PNKD: variants seen among roughly 807,000 people sequenced by gnomAD.
The protein encoded by PNKD is PNKD metallo-beta-lactamase domain containing.
In PNKD, 36 loss-of-function variants were observed where a neutral mutation model predicts 45.3. That is an observed-to-expected ratio of 0.80 (90% CI 0.61 to 1.05). The LOEUF (loss-of-function observed/expected upper bound fraction) is 1.05, where lower values mean the gene tolerates loss of function less well. Among genes scored for constraint, PNKD ranks in the 50% least tolerant of loss-of-function variants. PNKD has a pLI of 0.00. For synonymous variants in PNKD, 197 were observed against 210.1 expected, an observed-to-expected ratio of 0.94 and a Z score of 0.54; for missense variants, 511 against 506.6, an observed-to-expected ratio of 1.01 and a Z score of -0.08.
rs767740808 is a variant in PNKD, at chr2:218,342,011, G to A, written c.648G>A (p.Val216=). ...HPLCHQDVVS[V]GRLQIRALAT... is the part of the protein sequence containing the mutation. ...TGTGTCATCAAGATGTGGTCAGCGT[G>A]GGACGGCTTCAGATCCGGGCCCTGG... The change falls in exon 7 of 10, where the codon GTG becomes GTA. Residue 216 remains valine, a synonymous_variant. Transcript: ENST00000273077. The A allele has an allele frequency of 3.1e-6, 5 of 1,613,702 alleles. No homozygotes were observed. In the African/African-American group the frequency reaches 6.7e-5, roughly 22 times the overall value.
chr2:218,329,123 C>T (rs187465602), intron 2 of PNKD, among the ~76,000 whole-genome samples: 34 of 152,312 alleles, frequency 2.2e-4, no homozygotes, highest in African/African-American at 6.7e-4. Context: ...GCAGGAGAAT[C>T]GCTTCAAACT....
intron 2 of PNKD, chr2:218,278,667 C>A (rs1574633216): frequency 3.1e-6 from 4 of 1,311,218 alleles, no homozygotes; most frequent in Non-Finnish European, 4.4e-6. Flanking sequence ...GTTTGGAAGT[C>A]TGAGGGGAAG....
chr2:218,279,233 A>G, intron 2 of PNKD: 1 of 1,555,528 alleles, frequency 6.4e-7, no homozygotes, highest in Non-Finnish European at 8.7e-7. Context: ...CACCCCCAGC[A>G]GGTGACCCTG....
intron 2 of PNKD, among the ~76,000 whole-genome samples, chr2:218,283,586 A>G (rs1366430714): frequency 6.6e-6 from 1 of 152,220 alleles, no homozygotes; most frequent in Non-Finnish European, 1.5e-5. Flanking sequence ...ACACCCCCAG[A>G]TGCAGGTCAG....
chr2:218,323,106 A>T, intron 2 of PNKD: 1 of 1,158,288 alleles, frequency 8.6e-7, no homozygotes, highest in Non-Finnish European at 1.1e-6. Flanking sequence ...GCCCGGCTGG[A>T]GGTGGTGAGG....
At chr2:218,338,564 C>T (rs1457255984) in intron 2 of PNKD, among the ~76,000 whole-genome samples, 1 of 151,252 alleles carries the variant, frequency 6.6e-6, no homozygotes, top group East Asian at 2.0e-4. Context: ...CCCAGGAGTT[C>T]GAGACCAGCC....
At chr2:218,282,275 G>T in intron 2 of PNKD, 1 of 705,982 alleles carries the variant, frequency 1.4e-6, no homozygotes, top group Non-Finnish European at 2.2e-6. Context: ...GGCTGCCTCC[G>T]TGGAGAGGAA....
Position 218,340,742 on chromosome 2 carries a change from G to A in PNKD, c.480G>A (p.Lys160=). The A allele has an allele frequency of 1.2e-6, 2 of 1,613,970 alleles. No individual in the cohort carries two copies. The highest frequency in any genetic ancestry group is 1.7e-6 in the Non-Finnish European group (2 of 1,179,880). Residue 160 remains lysine (K), a synonymous_variant, in exon 5 of 10, where the codon AAG becomes AAA. Coordinates refer to ENST00000273077, the MANE Select transcript of PNKD (RefSeq NM_015488.5). This position sits in a 1 kb window ranked among gnomAD's most constrained non-coding sequence, Gnocchi z 4.2. ...DPRAVQASIE[K]EGVTLVAILC... ...CTCTCTCGCAGGCTTCCATTGAAAAGGAAGGGGTCACCTTGGTCGCCATTC... is the reference window on the plus strand; with the variant it reads ...CTCTCTCGCAGGCTTCCATTGAAAAAGAAGGGGTCACCTTGGTCGCCATTC...
chr2:218,343,413 C>A (rs763207684), intron 7 of PNKD, 87 bp from the exon 8 acceptor site: 6 of 1,050,730 alleles, frequency 5.7e-6, no homozygotes, highest in Non-Finnish European at 8.8e-6. Context: ...CAGAGCATTA[C>A]AAGCTGGTTC....
chr2:218,271,574 C>T, intron 2 of PNKD, 25 bp downstream of exon 2: 1 of 1,607,282 alleles, frequency 6.2e-7, no homozygotes, highest in Non-Finnish European at 8.5e-7. Flanking sequence ...CCCCTTTGCC[C>T]ACCAACGGGG....
chr2:218,293,835 C>T (rs576043153), intron 2 of PNKD, among the ~76,000 whole-genome samples: 1 of 149,778 alleles, frequency 6.7e-6, no homozygotes, highest in South Asian at 2.1e-4. Context: ...TGGTCTCAAA[C>T]CCCTGAGCTC....
intron 2 of PNKD, among the ~76,000 whole-genome samples, chr2:218,338,790 GA>G (rs1694578063): frequency 1.1e-5 from 1 of 87,544 alleles, no homozygotes; most frequent in South Asian, 6.6e-4. Context: ...AGCCTCAGAT[GA>G]TTTTTTTTTT....
chr2:218,272,579 C>T (rs767068612), intron 2 of PNKD: 1 of 1,613,920 alleles, frequency 6.2e-7, no homozygotes, highest in East Asian at 2.2e-5. Flanking sequence ...GGGCCATCGG[C>T]TTCCCTTGTG....
intron 2 of PNKD, among the ~76,000 whole-genome samples, chr2:218,308,440 G>A (rs1444408011): frequency 6.6e-6 from 1 of 151,782 alleles, no homozygotes; most frequent in Admixed American, 6.6e-5. Flanking sequence ...GCCCGCCTCA[G>A]CCTCCCAAAG....
intron 2 of PNKD, chr2:218,278,298 C>T: frequency 1.6e-6 from 1 of 616,012 alleles, no homozygotes; most frequent in Non-Finnish European, 2.8e-6. Context: ...AAAATGCTAC[C>T]TGTCTTGCAG....
At chr2:218,341,879 C>T (rs1230037161) in intron 6 of PNKD, 102 bp from the exon 7 acceptor site, 1 of 983,196 alleles carries the variant, frequency 1.0e-6, no homozygotes, top group Non-Finnish European at 1.6e-6. Flanking sequence ...TATGGAAGCC[C>T]ACTCTCTTGT....
intron 2 of PNKD, among the ~76,000 whole-genome samples, chr2:218,284,820 G>T (rs1692369560): frequency 6.6e-6 from 1 of 152,370 alleles, no homozygotes; most frequent in South Asian, 2.1e-4. Flanking sequence ...GCTGGGCACA[G>T]TGGCTCACGC....
intron 2 of PNKD, chr2:218,272,459 A>T: frequency 1.0e-6 from 1 of 955,184 alleles, no homozygotes; most frequent in Non-Finnish European, 1.7e-6. Context: ...AATAGACTAT[A>T]AGAGGTATTG....
At chr2:218,272,676 A>C in intron 2 of PNKD, 2 of 1,614,236 alleles carry the variant, frequency 1.2e-6, no homozygotes, top group Non-Finnish European at 1.7e-6. Flanking sequence ...GCGGTTGTCC[A>C]ACACGGGCGA....
Sources: gnomAD v4.1 joint callset for allele counts (sites outside exome capture counted in the v4.1 genomes callset) on GRCh38, gnomAD v4.1.1 for gene constraint, Gnocchi (gnomAD v3.1) non-coding constraint, MANE v1.5 for transcripts, NCBI Gene and HGNC (gene_info 2026-07-23, HGNC 2026-07-21) for gene names.